ADGRV1: variants seen among roughly 807,000 people sequenced by gnomAD.
The protein encoded by ADGRV1 is adhesion G protein-coupled receptor V1.
A neutral mutation model predicts 596.2 loss-of-function variants in ADGRV1; 359 were observed. The observed-to-expected ratio is 0.60, with a 90% confidence interval of 0.55 to 0.66. The LOEUF (loss-of-function observed/expected upper bound fraction) is 0.66, where lower values mean the gene tolerates loss of function less well. Ranked by LOEUF, ADGRV1 falls within the 30% of genes least tolerant of loss-of-function variation. The pLI is 0.00. For missense variants in ADGRV1, 7,274 were observed against 7,575.6 expected, an observed-to-expected ratio of 0.96 and a Z score of 1.48; for synonymous variants, 2,681 against 2,679.2, an observed-to-expected ratio of 1.00 and a Z score of -0.02.
At chr5:90,969,586 T>G (rs1340181786) in intron 84 of ADGRV1, among the ~76,000 whole-genome samples, 1 of 152,202 alleles carries the variant, frequency 6.6e-6, no homozygotes, top group Non-Finnish European at 1.5e-5. Context: ...AAAGCGAGGA[T>G]GTATTAACAA....
In ADGRV1 at chr5:90,766,030, C is replaced by T. The variant is rs891514410; in HGVS notation, c.12285+2561C>T. 9.9e-5 allele frequency among the ~76,000 whole-genome samples: 15 copies of T among 152,202 alleles called. No individual in the cohort carries two copies. The East Asian group carries it at 2.7e-3, about 27-fold the overall frequency. The stretch of plus-strand genomic sequence containing the variant: ...GTTTACGCCATTCTCCTGCCTCAGC[C>T]TCCCGAGTAGCTGGGACTACAGGCG... On this transcript the variant is annotated intron_variant, in intron 59 of 89. Coordinates refer to ENST00000405460, the MANE Select transcript of ADGRV1 (RefSeq NM_032119.4).
chr5:90,810,909 C>T lies in ADGRV1; in HGVS notation c.15649C>T (p.His5217Tyr). 6.2e-7 allele frequency: 1 copy of T among 1,613,926 alleles called. No individual in the cohort carries two copies. ...VATVTANVSI[H>Y]GTFSLGPSIV... Reference sequence around the variant, plus strand: ...CACTGTAACTGCCAATGTTTCCATTCATGGAACATTCAGCCTTGGGCCATC... The same window carrying T: ...CACTGTAACTGCCAATGTTTCCATTTATGGAACATTCAGCCTTGGGCCATC... The change falls in exon 74 of 90, where the codon CAT becomes TAT. Residue 5217 changes from histidine to tyrosine, a missense_variant. By Grantham distance (83) the His-to-Tyr change is moderately conservative. Coordinates refer to ENST00000405460, the MANE Select transcript of ADGRV1 (RefSeq NM_032119.4).
chr5:90,921,805 T>G (rs1350225764), intron 83 of ADGRV1, among the ~76,000 whole-genome samples: 4 of 150,906 alleles, frequency 2.7e-5, no homozygotes, highest in African/African-American at 9.7e-5. Context: ...TGTTTTTTTT[T>G]TTTTTTTTTT....
Position 90,679,560 on chromosome 5 carries a change from T to C in ADGRV1, c.5455T>C (p.Phe1819Leu). The C allele has an allele frequency of 1.2e-6, 2 of 1,613,292 alleles. No homozygotes were observed. Among genetic ancestry groups the C allele is most frequent in the South Asian group, 1.1e-5 (1 of 91,000 alleles). ...GTCTCCTTGTGAAGTAGCTGAACTC[T>C]TTAGGGTTGATGGAAGTGGTAGTGG... ...LNLEGGVAEL[F>L]RVDGSGSGDG... Residue 1819 changes from phenylalanine (F) to leucine (L), a missense_variant, in exon 26 of 90, where the codon TTT (phenylalanine) becomes CTT (leucine). Phe to Leu is a conservative substitution (Grantham distance 22, BLOSUM62 0). Around this residue, in one of 5 missense-constraint regions of ADGRV1, gnomAD observed 3,643 missense variants for 3,809.2 expected, o/e 0.96. Transcript: ENST00000405460.
At chr5:90,912,933 C>A (rs543246962) in intron 83 of ADGRV1, among the ~76,000 whole-genome samples, 5 of 152,244 alleles carry the variant, frequency 3.3e-5, no homozygotes, top group East Asian at 1.9e-4. Context: ...ACATTTATTT[C>A]TCTGTAGTAG....
intron 78 of ADGRV1, among the ~76,000 whole-genome samples, chr5:90,844,767 T>G (rs1214850820): frequency 6.6e-6 from 1 of 152,134 alleles, no homozygotes; most frequent in Non-Finnish European, 1.5e-5. Flanking sequence ...ATCCCCTACC[T>G]CCAAAGGCCT....
intron 30 of ADGRV1, 34 bp downstream of exon 30, chr5:90,690,110 G>A (rs538858632): frequency 1.2e-5 from 14 of 1,168,234 alleles, no homozygotes; most frequent in Middle Eastern, 2.0e-4. Flanking sequence ...TCTTTGACTT[G>A]TCTGCATGTA....
chr5:90,994,282 C>G (rs974030952), intron 85 of ADGRV1, among the ~76,000 whole-genome samples: 3 of 151,984 alleles, frequency 2.0e-5, no homozygotes, highest in Non-Finnish European at 4.4e-5. Context: ...AGGCTGGTCT[C>G]GAACTCCTGA....
intron 83 of ADGRV1, among the ~76,000 whole-genome samples, chr5:90,913,211 G>A (rs1232816331): frequency 6.6e-6 from 1 of 152,186 alleles, no homozygotes; most frequent in East Asian, 1.9e-4. Context: ...TGAGGGCAGG[G>A]TGGAATCAGT....
chr5:91,093,250 T>A (rs1790538750), intron 86 of ADGRV1, among the ~76,000 whole-genome samples: 1 of 152,158 alleles, frequency 6.6e-6, no homozygotes, highest in Non-Finnish European at 1.5e-5. Flanking sequence ...ATCCCTCGAG[T>A]TCATCCTCAT....
Position 90,783,302 on chromosome 5 carries a change from C to T in ADGRV1, c.13410C>T (p.Ile4470=). The T allele has an allele frequency of 6.2e-7, 1 of 1,611,482 alleles. No homozygotes were observed. Among genetic ancestry groups the T allele is most frequent in the Non-Finnish European group, 8.5e-7 (1 of 1,177,968 alleles). The change falls in exon 66 of 90, where the codon ATC becomes ATT. Residue 4470 remains isoleucine (I), a synonymous_variant. Transcript: ENST00000405460. ...QHGQNLSFIN[I]SIIDDNESEF... ...GGCAAAACTTAAGTTTTATAAATAT[C>T]TCCATCATTGATGACAATGAAAGGT...
chr5:91,127,522 A>G lies in ADGRV1; in HGVS notation c.18433-22508A>G, dbSNP rs181456374. On this transcript the variant is annotated intron_variant, in intron 87 of 89. Transcript: ENST00000405460. ...CACTGCACTCCTGTCTTGGTAAAGG[A>G]GCTAAACCCAGTCTCACCAAAAAAA... 6.8e-5 allele frequency among the ~76,000 whole-genome samples: 9 copies of G among 131,444 alleles called. No homozygotes were observed. In the East Asian group the frequency reaches 1.8e-3, roughly 26 times the overall value. 86.2% of individuals were successfully genotyped at this position (131,444 alleles called of 152,430 possible).
chr5:90,637,048 T>G (rs919236370), intron 10 of ADGRV1, among the ~76,000 whole-genome samples: 1 of 152,206 alleles, frequency 6.6e-6, no homozygotes, highest in African/African-American at 2.4e-5. Context: ...TAGCTTATAC[T>G]GTGGAGAGGC....
At chr5:91,059,037 G>A (rs1241228509) in intron 85 of ADGRV1, among the ~76,000 whole-genome samples, 1 of 152,096 alleles carries the variant, frequency 6.6e-6, no homozygotes, top group Admixed American at 6.5e-5. Context: ...TCTACTATTT[G>A]GTATCTTCTC....
intron 87 of ADGRV1, among the ~76,000 whole-genome samples, chr5:91,135,037 C>G (rs1794516765): frequency 6.6e-6 from 1 of 151,926 alleles, no homozygotes; most frequent in African/African-American, 2.4e-5. Flanking sequence ...CAAAAATTAG[C>G]TGGGCATTTG....
At chr5:91,006,623 G>A (rs934609893) in intron 85 of ADGRV1, among the ~76,000 whole-genome samples, 3 of 152,232 alleles carry the variant, frequency 2.0e-5, no homozygotes, top group Admixed American at 1.3e-4. Flanking sequence ...ACTCATAGAT[G>A]TTCTCACTGT....
chr5:90,667,718 T>C (rs1771684616), intron 21 of ADGRV1, among the ~76,000 whole-genome samples: 3 of 151,778 alleles, frequency 2.0e-5, no homozygotes, highest in Admixed American at 1.3e-4. Flanking sequence ...TTTTCTGTTC[T>C]GTTTTTTCCC....
At chr5:91,151,839 T>G (rs1227514316) in intron 88 of ADGRV1, among the ~76,000 whole-genome samples, 1 of 152,206 alleles carries the variant, frequency 6.6e-6, no homozygotes, top group Non-Finnish European at 1.5e-5. Flanking sequence ...GCAGAAAGTT[T>G]TATTGGACAC....
At chr5:90,991,354 C>A (rs915120958) in intron 85 of ADGRV1, among the ~76,000 whole-genome samples, 2 of 152,244 alleles carry the variant, frequency 1.3e-5, no homozygotes, top group Non-Finnish European at 2.9e-5. Context: ...TAAGTGAATT[C>A]TCTTATGCCT....
Sources: gnomAD v4.1 joint callset for allele counts (sites outside exome capture counted in the v4.1 genomes callset) on GRCh38, gnomAD v4.1.1 for gene constraint, gnomAD v4.1.1 regional missense constraint, MANE v1.5 for transcripts, NCBI Gene and HGNC (gene_info 2026-07-23, HGNC 2026-07-21) for gene names.